The following CPEB2 variants were observed in gnomAD, a reference collection of about 807,000 sequenced individuals.
CPEB2 encodes cytoplasmic polyadenylation element-binding protein 2.
CPEB2 carries 56 observed loss-of-function variants against 93.6 expected under a neutral mutation model. The ratio of observed to expected loss-of-function variants is 0.60; its 90% CI spans 0.48 to 0.75. The LOEUF (loss-of-function observed/expected upper bound fraction) is 0.75. CPEB2 is among the 30% of genes least tolerant of loss of function. The pLI, the probability that CPEB2 is intolerant of heterozygous loss-of-function variation, is 0.00. For missense variants in CPEB2, 1,579 were observed against 1,395.1 expected, an observed-to-expected ratio of 1.13 and a Z score of -2.10; for synonymous variants, 764 against 586.3, an observed-to-expected ratio of 1.30 and a Z score of -4.38.
intron 5 of CPEB2, among the ~76,000 whole-genome samples, chr4:15,037,885 T>C (rs1304733919): frequency 6.6e-6 from 1 of 152,178 alleles, no homozygotes; most frequent in East Asian, 1.9e-4. Context: ...AGTCACTTAG[T>C]TTTTTTCTTA....
At chr4:15,061,981 TA>T in intron 10 of CPEB2, 97 bp from the exon 11 acceptor site, 1 of 1,123,486 alleles carries the variant, frequency 8.9e-7, no homozygotes, top group Non-Finnish European at 1.3e-6. Flanking sequence ...GGTCAAATGA[TA>T]ATATACTATT....
intron 8 of CPEB2, among the ~76,000 whole-genome samples, chr4:15,057,954 T>C (rs1483220306): frequency 1.3e-5 from 2 of 152,152 alleles, no homozygotes; most frequent in African/African-American, 2.4e-5. Context: ...TGAGGGCATT[T>C]ATAGCAAACT....
intron 8 of CPEB2, among the ~76,000 whole-genome samples, chr4:15,055,753 T>G (rs1728658857): frequency 6.6e-6 from 1 of 152,214 alleles, no homozygotes. Context: ...TTCTAGCTTC[T>G]TCTACTATTG....
intron 4 of CPEB2, among the ~76,000 whole-genome samples, chr4:15,025,079 T>C (rs902047745): frequency 1.3e-5 from 2 of 152,092 alleles, no homozygotes; most frequent in Non-Finnish European, 2.9e-5. Flanking sequence ...TTGGAATTCC[T>C]GTTCCTCAAA....
chr4:15,028,714 T>C (rs1382122266), intron 4 of CPEB2, among the ~76,000 whole-genome samples: 1 of 151,490 alleles, frequency 6.6e-6, no homozygotes, highest in Non-Finnish European at 1.5e-5. Flanking sequence ...GCTTTGGTCG[T>C]ATCTGGGCAA....
intron 4 of CPEB2, among the ~76,000 whole-genome samples, chr4:15,029,793 T>C (rs1577407373): frequency 1.3e-5 from 2 of 152,100 alleles, no homozygotes; most frequent in African/African-American, 2.4e-5. Context: ...AAACACAGTT[T>C]TTGCCTTATG....
At chr4:15,021,600 G>C (rs937825105) in intron 4 of CPEB2, among the ~76,000 whole-genome samples, 1 of 152,070 alleles carries the variant, frequency 6.6e-6, no homozygotes, top group African/African-American at 2.4e-5. Flanking sequence ...GCTCATAAAA[G>C]TTGATTTGAA....
At chr4:15,021,835 C>T (rs1382340452) in intron 4 of CPEB2, among the ~76,000 whole-genome samples, 1 of 151,926 alleles carries the variant, frequency 6.6e-6, no homozygotes, top group Non-Finnish European at 1.5e-5. Context: ...TGCTAAACTC[C>T]TATTTTTTAA....
intron 10 of CPEB2, among the ~76,000 whole-genome samples, chr4:15,061,562 G>A (rs1330382450): frequency 6.6e-6 from 1 of 151,412 alleles, no homozygotes; most frequent in Admixed American, 6.6e-5. Flanking sequence ...GAGAAAGGGA[G>A]GAGAGGAATT....
intron 5 of CPEB2, among the ~76,000 whole-genome samples, chr4:15,034,309 G>A (rs1726396701): frequency 6.6e-6 from 1 of 152,190 alleles, no homozygotes; most frequent in Admixed American, 6.5e-5. Flanking sequence ...TGGAAGCAAA[G>A]AGCTTAGTAG....
At chr4:15,039,234 T>A (rs1389623594) in intron 5 of CPEB2, among the ~76,000 whole-genome samples, 1 of 152,174 alleles carries the variant, frequency 6.6e-6, no homozygotes, top group African/African-American at 2.4e-5. Flanking sequence ...GACTTTTTTC[T>A]TAGAATTTAA....
intron 4 of CPEB2, among the ~76,000 whole-genome samples, chr4:15,031,630 A>C (rs1726103452): frequency 1.3e-5 from 2 of 152,206 alleles, no homozygotes; most frequent in South Asian, 4.1e-4. Flanking sequence ...GATGGTAGAT[A>C]ATCCTTTTGA....
chr4:15,032,177 A>C (rs929820369), intron 4 of CPEB2, among the ~76,000 whole-genome samples: 1 of 152,184 alleles, frequency 6.6e-6, no homozygotes, highest in Non-Finnish European at 1.5e-5. Flanking sequence ...AGCTCACTAC[A>C]TGCTCAAACT....
chr4:15,007,362 A>C lies in CPEB2; in HGVS notation c.1720A>C (p.Ser574Arg). The C allele has an allele frequency of 6.2e-7, 1 of 1,603,764 alleles. No individual in the cohort carries two copies. The highest frequency in any genetic ancestry group is 8.5e-7 in the Non-Finnish European group (1 of 1,173,440). ...NHQSSGWGTGSMSWGAMHGRD... is the reference protein window; with the variant it reads ...NHQSSGWGTGRMSWGAMHGRD... ...TCAGAGCAGTGGCTGGGGCACTGGA[A>C]GTATGTCCTGGGGAGCAATGCATGG... Residue 574 changes from serine (S) to arginine (R), a missense_variant, in exon 2 of 12, where the codon AGT becomes CGT. By Grantham distance (110) the Ser-to-Arg change is moderately radical. This residue lies in a region of CPEB2 where 1,411 missense variants were observed against 1,056.0 expected (regional missense o/e 1.34). Transcript: ENST00000538197.
chr4:15,032,631 T>C (rs1726235689), intron 4 of CPEB2, among the ~76,000 whole-genome samples: 1 of 152,106 alleles, frequency 6.6e-6, no homozygotes, highest in African/African-American at 2.4e-5. Flanking sequence ...TAATATAAGA[T>C]GTTTTCATTA....
chr4:15,017,832 T>C (rs1724347965), intron 4 of CPEB2: 1 of 151,856 alleles, frequency 6.6e-6, no homozygotes, highest in Non-Finnish European at 1.5e-5. Flanking sequence ...TAATTGTTTG[T>C]AGTATTTGAA....
intron 4 of CPEB2, among the ~76,000 whole-genome samples, chr4:15,027,323 A>G (rs543927560): frequency 6.6e-6 from 1 of 152,352 alleles, no homozygotes; most frequent in African/African-American, 2.4e-5. Flanking sequence ...TTTCAGTTGA[A>G]TCTAAAGTAG....
intron 10 of CPEB2, among the ~76,000 whole-genome samples, chr4:15,059,636 C>T (rs1553861152): frequency 6.8e-6 from 1 of 146,174 alleles, no homozygotes; most frequent in South Asian, 2.2e-4. Flanking sequence ...TTGTGTAGAT[C>T]GATTCTGATA....
Position 15,002,733 on chromosome 4 carries a change from G to A in CPEB2, c.60G>A (p.Gly20=), listed in dbSNP as rs1281929810. 2 of 1,534,706 alleles carry A rather than the reference G, an allele frequency of 1.3e-6. No homozygotes were observed. ...QTAPLRSSSP[G]PLFCGEAYGP... The stretch of plus-strand genomic sequence containing the variant: ...CCCCGCTCCGAAGTAGCAGTCCTGG[G>A]CCCCTGTTCTGCGGCGAGGCGTATG... Residue 20 remains glycine, a synonymous_variant, in exon 1 of 12, where the codon GGG becomes GGA. Transcript: ENST00000538197.
Sources: gnomAD v4.1 joint callset for allele counts (sites outside exome capture counted in the v4.1 genomes callset) on GRCh38, gnomAD v4.1.1 for gene constraint, gnomAD v4.1.1 regional missense constraint, MANE v1.5 for transcripts, NCBI Gene and HGNC (gene_info 2026-07-23, HGNC 2026-07-21) for gene names.